The following SLC38A7 variants were observed in gnomAD, a reference collection of about 807,000 sequenced individuals.
The protein encoded by SLC38A7 is sodium-coupled neutral amino acid transporter 7.
A neutral mutation model predicts 50.1 loss-of-function variants in SLC38A7; 29 were observed. The ratio of observed to expected loss-of-function variants is 0.58; its 90% CI spans 0.43 to 0.79. SLC38A7 has a LOEUF of 0.79. Ranked by LOEUF, SLC38A7 falls within the 30% of genes least tolerant of loss-of-function variation. The pLI is 0.00. For synonymous variants in SLC38A7, 244 were observed against 245.9 expected (o/e 0.99, Z 0.07); for missense variants, 483 against 610.6 (o/e 0.79, Z 2.20).
In SLC38A7 at chr16:58,682,253, G is replaced by A. The variant is rs8062513; in HGVS notation, c.-116+1702C>T. 7.4e-3 allele frequency among the ~76,000 whole-genome samples: 1,125 copies of A among 152,240 alleles called. 16 individuals carry two copies. Among genetic ancestry groups the A allele is most frequent in the African/African-American group, 0.025 (1,052 of 41,528 alleles). On this transcript the variant is annotated intron_variant, in intron 2 of 11. Coordinates refer to ENST00000219320, the MANE Select transcript of SLC38A7 (RefSeq NM_018231.3). The stretch of plus-strand genomic sequence containing the variant: ...CCTGGGATAGCTAATGGGAGAAAGA[G>A]CAGGAAGAAGGCCAGATTTCAAGGG...
intron 9 of SLC38A7, 109 bp from the exon 10 acceptor site, chr16:58,671,353 T>TC (rs1324541238): frequency 9.3e-7 from 1 of 1,078,648 alleles, no homozygotes; most frequent in African/African-American, 1.6e-5. Context: ...AAAGCCCCAT[T>TC]CCTGACCCTC....
At chr16:58,681,095 C>T (rs1274934753) in intron 2 of SLC38A7, among the ~76,000 whole-genome samples, 1 of 152,228 alleles carries the variant, frequency 6.6e-6, no homozygotes, top group Non-Finnish European at 1.5e-5. Flanking sequence ...GCCAAACATG[C>T]AGTGCTGTTT....
rs2044343939 is a variant in SLC38A7 at position 58,679,600 on chromosome 16, T to C, written c.270+257A>G. 5.5e-6 allele frequency: 3 copies of C among 548,872 alleles called. No homozygotes were observed. In the African/African-American group the frequency reaches 6.1e-5, roughly 11 times the overall value. The allele number at this position is 548,872 out of a possible 1,614,324, so 34.0% of individuals were successfully genotyped here. Reference sequence around the variant, plus strand: ...AAGATAAGGGCCCTCTTTTTAAACATACCACAAAATCAATGTTACACCTAA... The same window carrying C: ...AAGATAAGGGCCCTCTTTTTAAACACACCACAAAATCAATGTTACACCTAA... On this transcript the variant is annotated intron_variant, in intron 3 of 11. Transcript: ENST00000219320.
intron 3 of SLC38A7, chr16:58,679,647 G>A (rs1037759934): frequency 1.7e-6 from 1 of 596,840 alleles, no homozygotes. Context: ...TGTAATTGAT[G>A]TTCAAATTTC....
At chr16:58,675,110 C>G (rs1038845684) in intron 8 of SLC38A7, 4 of 203,874 alleles carry the variant, frequency 2.0e-5, no homozygotes, top group African/African-American at 9.5e-5. Flanking sequence ...AACCCTTCTT[C>G]CCCAGCTCCT....
intron 1 of SLC38A7, chr16:58,684,418 A>C (rs1338351771): frequency 6.6e-6 from 1 of 152,462 alleles, no homozygotes; most frequent in Admixed American, 6.5e-5. Flanking sequence ...CACCCGGGCC[A>C]GGAGGCCGGG....
chr16:58,672,696 G>C (rs901551497), intron 8 of SLC38A7, among the ~76,000 whole-genome samples: 43 of 152,052 alleles, frequency 2.8e-4, no homozygotes, highest in Admixed American at 1.2e-3. Flanking sequence ...ACCCAGACTA[G>C]AGCGCAGTAG....
chr16:58,676,261 G>A (rs1327477813), intron 7 of SLC38A7, 28 bp downstream of exon 7: 1 of 1,614,066 alleles, frequency 6.2e-7, no homozygotes, highest in Middle Eastern at 1.6e-4. Context: ...TAAGGGGACA[G>A]CAGGGACCTT....
chr16:58,679,794 CTCCCTT>C, intron 3 of SLC38A7, 57 bp downstream of exon 3: 1 of 1,605,496 alleles, frequency 6.2e-7, no homozygotes, highest in Non-Finnish European at 8.5e-7. Flanking sequence ...GACCCGAAGC[CTCCCTT>C]TTGAGGCAAA....
At chr16:58,669,721 T>C (rs1450300945) in intron 11 of SLC38A7, among the ~76,000 whole-genome samples, 1 of 151,570 alleles carries the variant, frequency 6.6e-6, no homozygotes, top group African/African-American at 2.4e-5. Flanking sequence ...ACGCCTGTAA[T>C]GCCAGCACTT....
In SLC38A7 at chr16:58,678,500, TC is replaced by T. The variant is rs763238136; in HGVS notation, c.470-27del. 1 of 1,544,084 alleles carries T rather than the reference TC, an allele frequency of 6.5e-7. No homozygotes were observed. On this transcript the variant is annotated intron_variant, in intron 4 of 11. Transcript: ENST00000219320. The surrounding 1 kb of genome is among the most constrained non-coding windows in gnomAD (Gnocchi z 4.0). ...CTGCACAGGGAGGAAGGAGGGAATG[TC>T]AAGCCAGGCCACCATGGGGTGTGGC...
chr16:58,672,175 C>T lies in SLC38A7; in HGVS notation c.952G>A (p.Asp318Asn). The T allele has an allele frequency of 6.4e-7, 1 of 1,570,928 alleles. No individual in the cohort carries two copies. Among genetic ancestry groups the T allele is most frequent in the Non-Finnish European group, 8.6e-7 (1 of 1,158,134 alleles). The change falls in exon 9 of 12, where the codon GAC becomes AAC. Residue 318 changes from aspartate to asparagine, a missense_variant. By Grantham distance (23) the Asp-to-Asn change is conservative. Coordinates refer to ENST00000219320, the MANE Select transcript of SLC38A7 (RefSeq NM_018231.3). ...GCTCGGGCAACGGCCACGGCCATGT[C>T]CTCCGAGGGATAGGACAGGAGCACG... ...PDVLLSYPSE[D>N]MAVAVARAFI...
intron 8 of SLC38A7, among the ~76,000 whole-genome samples, chr16:58,674,532 C>T (rs2044225982): frequency 6.6e-6 from 1 of 152,090 alleles, no homozygotes; most frequent in Non-Finnish European, 1.5e-5. Context: ...CCACCTTGGC[C>T]TCCCATAGCT....
At chr16:58,672,420 A>AT (rs144984681) in intron 8 of SLC38A7, among the ~76,000 whole-genome samples, 177 bp from the exon 9 acceptor site, 2,070 of 152,206 alleles carry the variant, frequency 0.014, 21 homozygotes, top group Non-Finnish European at 0.019. Context: ...GACTTCTCAG[A>AT]TCCCCCATCG....
In SLC38A7 at chr16:58,666,559, C is replaced by CA. The variant is rs1681509049; in HGVS notation, c.*825_*826insT. On this transcript the variant is annotated 3_prime_UTR_variant, in exon 12 of 12. Transcript: ENST00000219320. ...GGTTCTCAGCCTTCTCCATCACCCA[C>CA]CCTGCGGCCTCTGAAAAGAGGGGCC... 1 of 152,852 alleles carries CA rather than the reference C, an allele frequency of 6.5e-6. No individual in the cohort carries two copies. The highest frequency in any genetic ancestry group is 6.5e-5 in the Admixed American group (1 of 15,284). 9.5% of individuals were successfully genotyped at this position (152,852 alleles called of 1,614,324 possible). A position where few individuals can be genotyped will look rare whatever the true frequency, so the allele number is the denominator to read the frequency against.
chr16:58,674,580 G>A (rs1453568676), intron 8 of SLC38A7, among the ~76,000 whole-genome samples: 4 of 151,928 alleles, frequency 2.6e-5, no homozygotes, highest in Admixed American at 6.6e-5. Flanking sequence ...TGGCCTCATC[G>A]CTTTCTAATT....
chr16:58,683,627 TGCAAAGTGACCACTGCCAGAG>T (rs1184706946), intron 2 of SLC38A7: 1 of 152,274 alleles, frequency 6.6e-6, no homozygotes, highest in Non-Finnish European at 1.5e-5. Flanking sequence ...GAAAGAACCC[TGCAAAGTGACCACTGCCAGAG>T]CTGTGACCAT....
chr16:58,666,371 C>CTTTTTTTTT lies in SLC38A7; in HGVS notation c.*1005_*1013dup, dbSNP rs5817157. On this transcript the variant is annotated 3_prime_UTR_variant, in exon 12 of 12. Transcript: ENST00000219320. ...CGTGAGCCACTGCGCCCAGCCCTGC[C>CTTTTTTTTT]TTTTTTTTTTTTTTTTTTTTTTGTC... 3.0e-5 allele frequency: 3 copies of CTTTTTTTTT among 99,968 alleles called. No individual in the cohort carries two copies. The highest frequency in any genetic ancestry group is 4.5e-5 in the African/African-American group (1 of 22,030). The allele number at this position is 99,968 out of a possible 1,614,324, so 6.2% of individuals were successfully genotyped here.
At chr16:58,671,290 C>T (rs1261840690) in intron 9 of SLC38A7, 46 bp from the exon 10 acceptor site, 2 of 1,582,146 alleles carry the variant, frequency 1.3e-6, no homozygotes, top group South Asian at 1.1e-5. Flanking sequence ...CTGCTAGCAG[C>T]TCCCCACCTC....
Sources: gnomAD v4.1 joint callset for allele counts (sites outside exome capture counted in the v4.1 genomes callset) on GRCh38, gnomAD v4.1.1 for gene constraint, Gnocchi (gnomAD v3.1) non-coding constraint, MANE v1.5 for transcripts, NCBI Gene and HGNC (gene_info 2026-07-23, HGNC 2026-07-21) for gene names.